Variants in MYOM2 observed in about 807,000 individuals in gnomAD.
MYOM2 encodes the protein myomesin-2.
A neutral mutation model predicts 187.6 loss-of-function variants in MYOM2; 254 were observed. The ratio of observed to expected loss-of-function variants is 1.35; its 90% confidence interval spans 1.22 to 1.50. The LOEUF (loss-of-function observed/expected upper bound fraction) is 1.50. Among genes scored for constraint, MYOM2 ranks in the 40% most tolerant of loss-of-function variants. MYOM2 has a pLI of 0.00. For synonymous variants in MYOM2, 981 were observed against 753.8 expected, an observed-to-expected ratio of 1.30 and a Z score of -4.94; for missense variants, 2,796 against 1,924.0, an observed-to-expected ratio of 1.45 and a Z score of -8.48.
intron 32 of MYOM2, among the ~76,000 whole-genome samples, chr8:2,136,016 C>T (rs919885880): frequency 6.6e-6 from 1 of 152,194 alleles, no homozygotes; most frequent in Non-Finnish European, 1.5e-5. Flanking sequence ...GACGCAGGGA[C>T]AGCGGGAGCC....
intron 10 of MYOM2, among the ~76,000 whole-genome samples, chr8:2,074,895 G>A (rs1819365101): frequency 1.3e-5 from 2 of 152,334 alleles, no homozygotes; most frequent in South Asian, 4.1e-4. Context: ...GAGCGCTCCT[G>A]CGCCATGTAG....
chr8:2,104,885 T>C (rs572422116), intron 21 of MYOM2, among the ~76,000 whole-genome samples: 1 of 152,318 alleles, frequency 6.6e-6, no homozygotes, highest in African/African-American at 2.4e-5. Context: ...TACCCAGTCT[T>C]TCCAGAAAGA....
intron 2 of MYOM2, among the ~76,000 whole-genome samples, chr8:2,051,132 G>C (rs1022968104): frequency 6.6e-6 from 1 of 152,066 alleles, no homozygotes; most frequent in Non-Finnish European, 1.5e-5. Context: ...GTATGAGCTC[G>C]TTGATTTTAC....
At chr8:2,143,644 CAAAG>C (rs1183787269) in intron 36 of MYOM2, among the ~76,000 whole-genome samples, 188 bp downstream of exon 36, 3 of 152,142 alleles carry the variant, frequency 2.0e-5, no homozygotes, top group Non-Finnish European at 4.4e-5. Context: ...CCTGTATTCT[CAAAG>C]GAAGGAATCA....
chr8:2,106,005 G>A (rs28655779), intron 21 of MYOM2, among the ~76,000 whole-genome samples: 34,669 of 152,104 alleles, frequency 0.23, 5,843 homozygotes, highest in African/African-American at 0.48. Flanking sequence ...CCAGCAGGGG[G>A]AATGCCAGGT....
At chr8:2,116,465 G>A (rs1033222997) in intron 27 of MYOM2, among the ~76,000 whole-genome samples, 190 bp downstream of exon 27, 29 of 152,166 alleles carry the variant, frequency 1.9e-4, no homozygotes, top group African/African-American at 6.3e-4. Context: ...AGAGGAAAGC[G>A]TGCCTCTAGC....
chr8:2,048,466 T>C (rs527264299), intron 1 of MYOM2, among the ~76,000 whole-genome samples: 33 of 152,350 alleles, frequency 2.2e-4, no homozygotes, highest in Non-Finnish European at 4.3e-4. Context: ...AGTGAAGCAA[T>C]ACATAGATTT....
chr8:2,140,608 C>T, intron 32 of MYOM2, 115 bp from the exon 33 acceptor site: 1 of 976,742 alleles, frequency 1.0e-6, no homozygotes, highest in Non-Finnish European at 1.5e-6. Context: ...TCTATTGTGA[C>T]ATTGGCATCA....
chr8:2,055,622 A>G (rs1183172315), intron 3 of MYOM2, among the ~76,000 whole-genome samples: 1 of 152,168 alleles, frequency 6.6e-6, no homozygotes. Flanking sequence ...TTCTGTACGA[A>G]GAGGCTGCAG....
intron 6 of MYOM2, among the ~76,000 whole-genome samples, chr8:2,064,071 T>G (rs1386289054): frequency 6.6e-6 from 1 of 152,206 alleles, no homozygotes; most frequent in Non-Finnish European, 1.5e-5. Flanking sequence ...GCCAAAGCTG[T>G]GATTTGCCTC....
chr8:2,106,546 T>C lies in MYOM2; in HGVS notation c.2947T>C (p.Ser983Pro). 1.9e-6 allele frequency: 3 copies of C among 1,612,200 alleles called. No homozygotes were observed. Among genetic ancestry groups the C allele is most frequent in the Non-Finnish European group, 8.5e-7 (1 of 1,178,340 alleles). ...DKEDLGTYSV[S>P]VSDTDGVSSS... ...GGAGGATTTAGGGACTTACTCCGTGTCTGTAAGTGATACAGACGGAGTGTC... is the reference window on the plus strand; with the variant it reads ...GGAGGATTTAGGGACTTACTCCGTGCCTGTAAGTGATACAGACGGAGTGTC... Residue 983 changes from serine (S) to proline (P), a missense_variant, in exon 23 of 37, where the codon TCT becomes CCT. Transcript: ENST00000262113.
intron 10 of MYOM2, 126 bp downstream of exon 10, chr8:2,073,626 A>C: frequency 8.6e-7 from 1 of 1,168,418 alleles, no homozygotes. Context: ...CTCCTTGGAG[A>C]CCCCATGCGG....
rs1370559607 is a variant in MYOM2, at chr8:2,073,512, A to G, written c.1120+12A>G. On this transcript the variant is annotated intron_variant, in intron 10 of 36. Coordinates refer to ENST00000262113, the MANE Select transcript of MYOM2 (RefSeq NM_003970.4). ...CCTGTTTGTCAGAGGTGCGGGCAGC[A>G]GGGTTCTCAGGGTGCAGACCTTGTG... 6.3e-7 allele frequency: 1 copy of G among 1,587,844 alleles called. No homozygotes were observed.
intron 32 of MYOM2, among the ~76,000 whole-genome samples, chr8:2,131,034 C>G (rs1393132181): frequency 6.6e-6 from 1 of 152,160 alleles, no homozygotes; most frequent in African/African-American, 2.4e-5. Context: ...CTGGGAAAGG[C>G]CACCCCCCTC....
intron 34 of MYOM2, 152 bp downstream of exon 34, chr8:2,141,329 T>TG: frequency 1.7e-6 from 1 of 594,976 alleles, no homozygotes. Context: ...ATGCAGTATA[T>TG]GGAGGGGTGG....
At chr8:2,115,707 A>G (rs1797217454) in intron 25 of MYOM2, among the ~76,000 whole-genome samples, 1 of 152,174 alleles carries the variant, frequency 6.6e-6, no homozygotes. Context: ...GTAGGTGTGG[A>G]GTCTCTGCCT....
At chr8:2,090,469 T>A (rs186665826) in intron 15 of MYOM2, among the ~76,000 whole-genome samples, 192 of 152,328 alleles carry the variant, frequency 1.3e-3, no homozygotes, top group African/African-American at 4.5e-3. Context: ...TTTAAACTTT[T>A]AAAAAAACTT....
At chr8:2,100,017 TTTCC>T (rs202082602) in intron 19 of MYOM2, among the ~76,000 whole-genome samples, 2 of 136,146 alleles carry the variant, frequency 1.5e-5, no homozygotes, top group African/African-American at 5.5e-5. Flanking sequence ...CCTTCCTTTC[TTTCC>T]TTCCTTCCTT....
intron 3 of MYOM2, among the ~76,000 whole-genome samples, chr8:2,055,508 T>C (rs527482687): frequency 3.2e-4 from 48 of 152,030 alleles, no homozygotes; most frequent in African/African-American, 1.1e-3. Context: ...GCTGTGTGTG[T>C]GGTCGGAGCG....
Sources: allele counts gnomAD v4.1 joint callset (sites outside exome capture counted in the v4.1 genomes callset), GRCh38; gene constraint gnomAD v4.1.1; transcripts MANE v1.5; gene names NCBI Gene and HGNC (gene_info 2026-07-23, HGNC 2026-07-21).